The following KIZ variants were observed in gnomAD, a reference collection of about 807,000 sequenced individuals.
The protein encoded by KIZ is centrosomal protein kizuna.
KIZ carries 68 observed loss-of-function variants against 79.6 expected under a neutral mutation model. The observed-to-expected ratio is 0.85, with a 90% CI of 0.70 to 1.05. KIZ has a LOEUF of 1.05. Ranked by LOEUF, KIZ falls within the 50% of genes least tolerant of loss-of-function variation. KIZ has a pLI of 0.00. For synonymous variants in KIZ, 280 were observed against 281.8 expected (o/e 0.99, Z 0.06); for missense variants, 797 against 800.4 (o/e 1.00, Z 0.05).
At chr20:21,174,196 C>T (rs1053528546) in intron 6 of KIZ, among the ~76,000 whole-genome samples, 1 of 152,176 alleles carries the variant, frequency 6.6e-6, no homozygotes, top group Non-Finnish European at 1.5e-5. Flanking sequence ...TTCCACCACC[C>T]AAATCACAAC....
chr20:21,167,918 G>T (rs1348064023), intron 6 of KIZ, among the ~76,000 whole-genome samples: 5 of 152,076 alleles, frequency 3.3e-5, no homozygotes, highest in Non-Finnish European at 5.9e-5. Context: ...TTAAAAAATA[G>T]TTTCTTTTTT....
intron 10 of KIZ, among the ~76,000 whole-genome samples, chr20:21,229,355 G>A (rs1370944696): frequency 6.6e-6 from 1 of 152,204 alleles, no homozygotes; most frequent in Admixed American, 6.5e-5. Context: ...CCTGGATTCT[G>A]CCAAGCATGT....
Position 21,136,386 on chromosome 20 carries a change from C to G in KIZ, c.153-4C>G. 2 of 1,475,158 alleles carry G rather than the reference C, an allele frequency of 1.4e-6. No homozygotes were observed. The highest frequency in any genetic ancestry group is 1.8e-6 in the Non-Finnish European group (2 of 1,083,608). 91.4% of individuals were successfully genotyped at this position (1,475,158 alleles called of 1,614,324 possible). On this transcript the variant is annotated splice_region_variant and splice_polypyrimidine_tract_variant and intron_variant, in intron 2 of 12. Transcript: ENST00000619189. ...TTGTTTTAAAACTGCTTTTAATTTT[C>G]TAGAGTTAAGCTGAAATATGTAAAA...
intron 4 of KIZ, chr20:21,151,026 C>G (rs1180218292): frequency 2.6e-5 from 4 of 152,222 alleles, no homozygotes; most frequent in African/African-American, 4.8e-5. Context: ...AGGCACTATT[C>G]TAAGGATTTT....
chr20:21,136,623 A>T, intron 3 of KIZ, 71 bp downstream of exon 3: 1 of 1,108,898 alleles, frequency 9.0e-7, no homozygotes. Context: ...CTTCAAGATG[A>T]GACCTCACTG....
chr20:21,126,071 A>C, upstream of KIZ: 1 of 1,415,308 alleles, frequency 7.1e-7, no homozygotes, highest in Non-Finnish European at 9.2e-7. Context: ...ACCCCGGCCG[A>C]ACGGCCACCC....
chr20:21,157,093 A>C (rs2033422152), intron 4 of KIZ, among the ~76,000 whole-genome samples: 1 of 152,124 alleles, frequency 6.6e-6, no homozygotes, highest in Admixed American at 6.6e-5. Flanking sequence ...CATCTCTATA[A>C]ATAAAAAAAA....
intron 6 of KIZ, among the ~76,000 whole-genome samples, chr20:21,204,803 T>C (rs1026058141): frequency 2.0e-5 from 3 of 152,208 alleles, no homozygotes; most frequent in African/African-American, 7.2e-5. Context: ...CCTAATATCT[T>C]AATTTTTAAA....
chr20:21,166,698 T>G (rs1040080560), intron 6 of KIZ: 2 of 625,992 alleles, frequency 3.2e-6, no homozygotes, highest in African/African-American at 3.7e-5. Context: ...CCTCAGGTGA[T>G]CTGCCTGCCT....
At chr20:21,190,742 T>A (rs527787467) in intron 6 of KIZ, among the ~76,000 whole-genome samples, 5 of 152,334 alleles carry the variant, frequency 3.3e-5, no homozygotes, top group African/African-American at 1.2e-4. Flanking sequence ...AAGTAGCAAA[T>A]TTCCTTGGGA....
At chr20:21,216,124 G>A (rs1418807748) in intron 9 of KIZ, among the ~76,000 whole-genome samples, 2 of 152,090 alleles carry the variant, frequency 1.3e-5, no homozygotes, top group African/African-American at 2.4e-5. Context: ...TGTACCAATC[G>A]GGCTTCATCA....
At chr20:21,164,609 G>C (rs904693593) in intron 6 of KIZ, among the ~76,000 whole-genome samples, 1 of 151,984 alleles carries the variant, frequency 6.6e-6, no homozygotes, top group Non-Finnish European at 1.5e-5. Context: ...ACTTACCCAG[G>C]ACTCAGTCTT....
intron 6 of KIZ, among the ~76,000 whole-genome samples, chr20:21,176,418 C>A (rs2034437009): frequency 1.3e-5 from 2 of 152,128 alleles, no homozygotes; most frequent in African/African-American, 4.8e-5. Flanking sequence ...ACATTTGCAG[C>A]TGCAACAGAC....
chr20:21,167,834 G>A (rs961163791), intron 6 of KIZ, among the ~76,000 whole-genome samples: 9 of 152,224 alleles, frequency 5.9e-5, no homozygotes, highest in East Asian at 1.9e-4. Flanking sequence ...GATTACAGAC[G>A]TGAGCCACTG....
chr20:21,224,333 A>C (rs2123389735), intron 9 of KIZ, among the ~76,000 whole-genome samples: 1 of 152,358 alleles, frequency 6.6e-6, no homozygotes, highest in South Asian at 2.1e-4. Flanking sequence ...TCTCAGTGAT[A>C]ATATTTATCT....
At chr20:21,200,447 C>A (rs2035546173) in intron 6 of KIZ, among the ~76,000 whole-genome samples, 1 of 151,842 alleles carries the variant, frequency 6.6e-6, no homozygotes, top group South Asian at 2.1e-4. Flanking sequence ...AATAATTATA[C>A]AATTCACCAT....
chr20:21,156,032 C>T (rs2033365252), intron 4 of KIZ, among the ~76,000 whole-genome samples: 1 of 152,196 alleles, frequency 6.6e-6, no homozygotes, highest in Admixed American at 6.5e-5. Context: ...GTGACAGCTT[C>T]TATTTCACCT....
chr20:21,131,875 G>T, intron 1 of KIZ: 1 of 351,934 alleles, frequency 2.8e-6, no homozygotes, highest in Non-Finnish European at 5.2e-6. Flanking sequence ...TTTCCCTGGC[G>T]ACTGCTGCAT....
intron 9 of KIZ, among the ~76,000 whole-genome samples, chr20:21,218,875 G>GT (rs1305969815): frequency 1.6e-4 from 24 of 152,192 alleles, no homozygotes; most frequent in Admixed American, 1.6e-3. Flanking sequence ...ACACCCAGAT[G>GT]TTATGACTGA....
Sources: gnomAD v4.1 joint callset for allele counts (sites outside exome capture counted in the v4.1 genomes callset) on GRCh38, gnomAD v4.1.1 for gene constraint, MANE v1.5 for transcripts, NCBI Gene and HGNC (gene_info 2026-07-23, HGNC 2026-07-21) for gene names.